Variants in FRYL observed in about 807,000 individuals in gnomAD.
The protein encoded by FRYL is FRY like transcription coactivator, also known as protein furry homolog-like.
A neutral mutation model predicts 351.2 loss-of-function variants in FRYL; 150 were observed. That is an observed-to-expected ratio of 0.43 (90% confidence interval 0.37 to 0.49). The LOEUF (loss-of-function observed/expected upper bound fraction) is 0.49, where lower values mean the gene tolerates loss of function less well. FRYL is among the 20% of genes least tolerant of loss of function. The pLI, the probability that FRYL is intolerant of heterozygous loss-of-function variation, is 0.00. For missense variants in FRYL, 3,036 were observed against 3,619.3 expected, an observed-to-expected ratio of 0.84 and a Z score of 4.13; for synonymous variants, 1,153 against 1,257.1, an observed-to-expected ratio of 0.92 and a Z score of 1.75.
intron 1 of FRYL, among the ~76,000 whole-genome samples, chr4:48,777,642 GATA>G (rs1049333257): frequency 6.6e-6 from 1 of 152,194 alleles, no homozygotes; most frequent in Non-Finnish European, 1.5e-5. Flanking sequence ...ATATTTCAAA[GATA>G]ATTATTTCTG....
intron 1 of FRYL, among the ~76,000 whole-genome samples, chr4:48,735,839 G>A (rs1771301583): frequency 1.0e-5 from 1 of 97,476 alleles, no homozygotes; most frequent in South Asian, 4.3e-4. Context: ...GGGGAGGGGG[G>A]AGGGATAGCA....
chr4:48,701,653 C>A (rs1416708030), intron 2 of FRYL, among the ~76,000 whole-genome samples: 7 of 152,300 alleles, frequency 4.6e-5, no homozygotes, highest in African/African-American at 1.7e-4. Flanking sequence ...GTATGAGAAT[C>A]AAGTAAACTA....
chr4:48,538,729 T>C (rs1255798280), intron 47 of FRYL, among the ~76,000 whole-genome samples: 1 of 152,112 alleles, frequency 6.6e-6, no homozygotes, highest in Non-Finnish European at 1.5e-5. Flanking sequence ...TTTTTTTTTT[T>C]CTCCTGGTGC....
At chr4:48,557,790 A>T in intron 33 of FRYL, 78 bp from the exon 34 acceptor site, 1 of 1,522,628 alleles carries the variant, frequency 6.6e-7, no homozygotes, top group Non-Finnish European at 9.0e-7. Flanking sequence ...AACAGATTTC[A>T]GAAGCCAGAT....
chr4:48,525,359 T>C (rs1725869695), intron 53 of FRYL, among the ~76,000 whole-genome samples: 1 of 152,198 alleles, frequency 6.6e-6, no homozygotes, highest in South Asian at 2.1e-4. Context: ...GAGTATTCCA[T>C]AGGAGCCTAC....
At chr4:48,755,301 G>C (rs1414105469) in intron 1 of FRYL, among the ~76,000 whole-genome samples, 1 of 152,058 alleles carries the variant, frequency 6.6e-6, no homozygotes, top group Non-Finnish European at 1.5e-5. Flanking sequence ...TTTCCATTAA[G>C]TTAACCCTAG....
chr4:48,616,016 A>G (rs1462144329), intron 7 of FRYL, among the ~76,000 whole-genome samples: 1 of 152,122 alleles, frequency 6.6e-6, no homozygotes, highest in Non-Finnish European at 1.5e-5. Flanking sequence ...TTGAACAATG[A>G]GAACACATGG....
At chr4:48,694,463 C>T (rs776620346) in intron 2 of FRYL, among the ~76,000 whole-genome samples, 2 of 151,844 alleles carry the variant, frequency 1.3e-5, no homozygotes, top group Admixed American at 6.6e-5. Context: ...CGCCCAGCTA[C>T]GTTTTGTATT....
At chr4:48,537,796 T>C (rs1250073363) in intron 47 of FRYL, among the ~76,000 whole-genome samples, 1 of 152,192 alleles carries the variant, frequency 6.6e-6, no homozygotes, top group Admixed American at 6.5e-5. Context: ...TCCTTCAGGC[T>C]AGGAGGCCAC....
intron 4 of FRYL, among the ~76,000 whole-genome samples, chr4:48,632,637 A>T (rs1753465634): frequency 1.3e-5 from 2 of 151,862 alleles, no homozygotes; most frequent in Admixed American, 6.6e-5. Context: ...TCAATTTGCT[A>T]TGTGGAAAGC....
rs1293683798 is a variant in FRYL at position 48,548,736 on chromosome 4, C to T, written c.4842G>A (p.Val1614=). 8 of 1,611,946 alleles carry T rather than the reference C, an allele frequency of 5.0e-6. No homozygotes were observed. The highest frequency in any genetic ancestry group is 6.8e-6 in the Non-Finnish European group (8 of 1,178,330). The part of the protein sequence containing the change: ...TDLIIDHSVK[V]EWGSYLHLLL... ...GAAGATGGAGGTAGCTTCCCCATTCCACCTTCACACTATGATCAATGATGA... is the reference window on the plus strand; with the variant it reads ...GAAGATGGAGGTAGCTTCCCCATTCTACCTTCACACTATGATCAATGATGA... The change falls in exon 40 of 64, where the codon GTG becomes GTA. Residue 1614 remains valine, a synonymous_variant. Coordinates refer to ENST00000358350, the MANE Select transcript of FRYL (RefSeq NM_015030.2).
At chr4:48,595,812 T>C in intron 14 of FRYL, 85 bp downstream of exon 14, 3 of 1,119,152 alleles carry the variant, frequency 2.7e-6, no homozygotes, top group Non-Finnish European at 3.9e-6. Context: ...ACCCACAAAG[T>C]ATAATGTTTA....
chr4:48,732,575 A>C (rs1467911362), intron 1 of FRYL, among the ~76,000 whole-genome samples: 3 of 152,104 alleles, frequency 2.0e-5, no homozygotes, highest in Admixed American at 2.0e-4. Flanking sequence ...GCACATATAC[A>C]CCATGGAATA....
chr4:48,746,713 G>C (rs1157688589), intron 1 of FRYL, among the ~76,000 whole-genome samples: 3 of 152,116 alleles, frequency 2.0e-5, no homozygotes, highest in African/African-American at 7.2e-5. Flanking sequence ...AGGCAGGTCA[G>C]AAAACGCCAC....
chr4:48,541,974 T>C, intron 45 of FRYL, 53 bp downstream of exon 45: 1 of 1,134,332 alleles, frequency 8.8e-7, no homozygotes, highest in Non-Finnish European at 1.3e-6. Flanking sequence ...TAGCTATATG[T>C]AGTTAGCTAT....
intron 25 of FRYL, chr4:48,574,573 G>C (rs943555289): frequency 2.0e-5 from 3 of 152,090 alleles, no homozygotes; most frequent in African/African-American, 7.2e-5. Context: ...CAAAACATCA[G>C]ATACCATTCT....
intron 23 of FRYL, among the ~76,000 whole-genome samples, chr4:48,576,462 G>T (rs1401887618): frequency 6.6e-6 from 1 of 151,850 alleles, no homozygotes; most frequent in East Asian, 1.9e-4. Flanking sequence ...GTGCCATCAC[G>T]CCCAGCAAAT....
intron 3 of FRYL, among the ~76,000 whole-genome samples, chr4:48,665,246 A>C (rs1399876653): frequency 2.0e-5 from 3 of 152,194 alleles, no homozygotes; most frequent in Admixed American, 1.3e-4. Flanking sequence ...TATATTTCAC[A>C]CATTTAAAAA....
At chr4:48,676,566 T>A (rs1763723383) in intron 3 of FRYL, among the ~76,000 whole-genome samples, 1 of 148,422 alleles carries the variant, frequency 6.7e-6, no homozygotes, top group East Asian at 1.9e-4. Flanking sequence ...TTTTTTTTTG[T>A]ATTTTTATTA....
Sources: gnomAD v4.1 joint callset for allele counts (sites outside exome capture counted in the v4.1 genomes callset) on GRCh38, gnomAD v4.1.1 for gene constraint, MANE v1.5 for transcripts, NCBI Gene and HGNC (gene_info 2026-07-23, HGNC 2026-07-21) for gene names.